Variants in DESI2 observed in about 807,000 individuals in gnomAD.
DESI2 encodes deubiquitinase DESI2.
In DESI2, 10 loss-of-function variants were observed where a neutral mutation model predicts 24.1. The observed-to-expected ratio is 0.41, with a 90% CI of 0.26 to 0.70. The LOEUF (loss-of-function observed/expected upper bound fraction) is 0.70. Ranked by LOEUF, DESI2 falls within the 30% of genes least tolerant of loss-of-function variation. The pLI, the probability that DESI2 is intolerant of heterozygous loss-of-function variation, is 0.29. For synonymous variants in DESI2, 71 were observed against 87.7 expected (o/e 0.81, Z 1.06); for missense variants, 122 against 234.9 (o/e 0.52, Z 3.14).
chr1:244,669,455 G>A (rs1676167269), intron 1 of DESI2, among the ~76,000 whole-genome samples: 1 of 152,038 alleles, frequency 6.6e-6, no homozygotes, highest in South Asian at 2.1e-4. Flanking sequence ...GAGGTGGGCG[G>A]ATCACCTGAG....
intron 2 of DESI2, among the ~76,000 whole-genome samples, chr1:244,688,167 A>T (rs1049220783): frequency 6.6e-6 from 1 of 152,236 alleles, no homozygotes; most frequent in Non-Finnish European, 1.5e-5. Flanking sequence ...AGCTAGAATC[A>T]AATATTAATA....
chr1:244,703,813 C>T (rs1214015899), intron 4 of DESI2, among the ~76,000 whole-genome samples: 1 of 152,084 alleles, frequency 6.6e-6, no homozygotes, highest in South Asian at 2.1e-4. Flanking sequence ...TGCCCGCCAC[C>T]ACGCCTAGCT....
At position 244,689,396 on chromosome 1, in the gene DESI2, TCAG is replaced by T; in HGVS notation, c.209+55_209+57del. ...CTGTCTTAGGTGCCATAGCTTGTTT[TCAG>T]GTATACAGAATTCATTCTGTAAATC... On this transcript the variant is annotated intron_variant, in intron 3 of 4. Coordinates refer to ENST00000302550, the MANE Select transcript of DESI2 (RefSeq NM_016076.5). The surrounding 1 kb of genome is among the most constrained non-coding windows in gnomAD (Gnocchi z 4.0). 4.7e-6 allele frequency: 4 copies of T among 846,568 alleles called. No individual in the cohort carries two copies. The highest frequency in any genetic ancestry group is 4.0e-6 in the Non-Finnish European group (2 of 500,570). 52.4% of individuals were successfully genotyped at this position (846,568 alleles called of 1,614,324 possible).
At chr1:244,696,625 C>T (rs1677225386) in intron 4 of DESI2, among the ~76,000 whole-genome samples, 1 of 152,068 alleles carries the variant, frequency 6.6e-6, no homozygotes, top group South Asian at 2.1e-4. Flanking sequence ...TGCTTTCTTC[C>T]CCCCTTTACT....
At chr1:244,667,098 CT>C (rs1308268928) in intron 1 of DESI2, among the ~76,000 whole-genome samples, 3 of 152,134 alleles carry the variant, frequency 2.0e-5, no homozygotes, top group Non-Finnish European at 2.9e-5. Flanking sequence ...CATTCCACCC[CT>C]GGTCCCTCCA....
intron 1 of DESI2, among the ~76,000 whole-genome samples, chr1:244,680,544 A>G (rs1191600142): frequency 6.6e-6 from 1 of 152,252 alleles, no homozygotes; most frequent in African/African-American, 2.4e-5. Flanking sequence ...AAAACTAACA[A>G]AGCAAATGTA....
chr1:244,678,616 T>C (rs1195040227), intron 1 of DESI2, among the ~76,000 whole-genome samples: 1 of 152,230 alleles, frequency 6.6e-6, no homozygotes, highest in African/African-American at 2.4e-5. Context: ...CAGAAGGCTA[T>C]TTACTGCTCA....
intron 3 of DESI2, among the ~76,000 whole-genome samples, chr1:244,691,619 T>C (rs1372440487): frequency 6.6e-6 from 1 of 152,232 alleles, no homozygotes; most frequent in Non-Finnish European, 1.5e-5. Flanking sequence ...TAAGGACATA[T>C]ATTTCATAAA....
At chr1:244,687,167 C>G (rs962280921) in intron 2 of DESI2, among the ~76,000 whole-genome samples, 1 of 152,174 alleles carries the variant, frequency 6.6e-6, no homozygotes, top group African/African-American at 2.4e-5. Flanking sequence ...TTTTTGAAGT[C>G]TAAAAACATT....
intron 1 of DESI2, among the ~76,000 whole-genome samples, chr1:244,676,803 TTATA>T (rs893487757): frequency 1.2e-3 from 179 of 147,816 alleles, no homozygotes; most frequent in African/African-American, 4.3e-3. Flanking sequence ...AAAATATATA[TTATA>T]TATATTTTAT....
rs58792167 is a variant in DESI2 at position 244,686,552 on chromosome 1, G to A, written c.43-45G>A. On this transcript the variant is annotated intron_variant, in intron 1 of 4. Coordinates refer to ENST00000302550, the MANE Select transcript of DESI2 (RefSeq NM_016076.5). Reference sequence around the variant, plus strand: ...CACTTCTGTAGCGCGGAGTTGGGTTGTAAATGAACAGGTATTCTGAATCTT... The same window carrying A: ...CACTTCTGTAGCGCGGAGTTGGGTTATAAATGAACAGGTATTCTGAATCTT... 181 of 1,299,200 alleles carry A rather than the reference G, an allele frequency of 1.4e-4. No homozygotes were observed. In the African/African-American group the frequency reaches 2.5e-3, roughly 18 times the overall value. The allele number at this position is 1,299,200 out of a possible 1,614,324, so 80.5% of individuals were successfully genotyped here.
Position 244,702,331 on chromosome 1 carries a change from T to C in DESI2, c.352-3225T>C, listed in dbSNP as rs901789688. On this transcript the variant is annotated intron_variant, in intron 4 of 4. Transcript: ENST00000302550. Reference sequence around the variant, plus strand: ...GAGTTTGAGACCAGCCTGGCCAACATGGTGAAACGCCGTCTCTACTAAAAA... The same window carrying C: ...GAGTTTGAGACCAGCCTGGCCAACACGGTGAAACGCCGTCTCTACTAAAAA... Among the ~76,000 whole-genome samples, 4 of 151,716 alleles carry C rather than the reference T, an allele frequency of 2.6e-5. No individual in the cohort carries two copies. In the East Asian group the frequency reaches 7.7e-4, roughly 29 times the overall value.
intron 1 of DESI2, among the ~76,000 whole-genome samples, chr1:244,668,520 A>T (rs1051234194): frequency 6.6e-6 from 1 of 152,316 alleles, no homozygotes; most frequent in African/African-American, 2.4e-5. Context: ...AACCTCTAAC[A>T]TGAACACTGA....
intron 1 of DESI2, among the ~76,000 whole-genome samples, chr1:244,686,254 GTGTGTGTGTGTA>G (rs1269882529): frequency 4.0e-5 from 6 of 151,298 alleles, no homozygotes; most frequent in East Asian, 2.0e-4. Context: ...CACACTCTGT[GTGTGTGTGTGTA>G]TGTGTGTGTG....
intron 1 of DESI2, among the ~76,000 whole-genome samples, chr1:244,657,332 C>T (rs1675682687): frequency 6.6e-6 from 1 of 152,276 alleles, no homozygotes; most frequent in Middle Eastern, 3.4e-3. Flanking sequence ...ATGGTTCCTT[C>T]GTATCTCAAA....
At chr1:244,661,694 A>G (rs1675850840) in intron 1 of DESI2, among the ~76,000 whole-genome samples, 1 of 152,114 alleles carries the variant, frequency 6.6e-6, no homozygotes, top group Admixed American at 6.5e-5. Flanking sequence ...TTTGCTGAGA[A>G]TGATGGTTTC....
chr1:244,689,792 G>A lies in DESI2; in HGVS notation c.209+450G>A, dbSNP rs562344384. 6.6e-6 allele frequency among the ~76,000 whole-genome samples: 1 copy of A among 152,306 alleles called. No individual in the cohort carries two copies. Among genetic ancestry groups the A allele is most frequent in the Non-Finnish European group, 1.5e-5 (1 of 68,030 alleles). On this transcript the variant is annotated intron_variant, in intron 3 of 4. Transcript: ENST00000302550. This position sits in a 1 kb window ranked among gnomAD's most constrained non-coding sequence, Gnocchi z 4.0. ...CCCAAAGTGCTGGGATTACAGGCGT[G>A]AGCCACCACGCCCAGCCCAGGAAAC...
rs1334584737 is a variant in DESI2, at chr1:244,661,744, A to C, written c.42+8389A>C. Among the ~76,000 whole-genome samples, 8 of 152,224 alleles carry C rather than the reference A, an allele frequency of 5.3e-5. No homozygotes were observed. The South Asian group carries it at 1.2e-3, about 24-fold the overall frequency. On this transcript the variant is annotated intron_variant, in intron 1 of 4. Coordinates refer to ENST00000302550, the MANE Select transcript of DESI2 (RefSeq NM_016076.5). Reference sequence around the variant, plus strand: ...TCCCTACAAAGGACATGAACTCATCATTTTTTATGGCTGCATAGTATTCCA... The same window carrying C: ...TCCCTACAAAGGACATGAACTCATCCTTTTTTATGGCTGCATAGTATTCCA...
intron 4 of DESI2, among the ~76,000 whole-genome samples, chr1:244,702,339 C>T (rs532625781): frequency 2.0e-5 from 3 of 151,984 alleles, no homozygotes; most frequent in East Asian, 1.9e-4. Flanking sequence ...CATGGTGAAA[C>T]GCCGTCTCTA....
Sources: allele counts gnomAD v4.1 joint callset (sites outside exome capture counted in the v4.1 genomes callset), GRCh38; gene constraint gnomAD v4.1.1; non-coding constraint Gnocchi (gnomAD v3.1); transcripts MANE v1.5; gene names NCBI Gene and HGNC (gene_info 2026-07-23, HGNC 2026-07-21).